Variants in ANKRD30B observed in about 807,000 individuals in gnomAD.
The protein encoded by ANKRD30B is ankyrin repeat domain 30B.
ANKRD30B carries 144 observed loss-of-function variants against 202.2 expected under a neutral mutation model. The observed-to-expected ratio is 0.71, with a 90% confidence interval of 0.62 to 0.82. ANKRD30B has a LOEUF of 0.82. Among genes scored for constraint, ANKRD30B ranks in the 40% least tolerant of loss-of-function variants. The pLI is 0.00. For missense variants in ANKRD30B, 1,487 were observed against 1,669.1 expected (o/e 0.89, Z 1.90); for synonymous variants, 508 against 561.3 (o/e 0.91, Z 1.34).
chr18:14,831,246 A>G (rs1970925098), intron 33 of ANKRD30B, 137 bp from the exon 34 acceptor site: 1 of 528,326 alleles, frequency 1.9e-6, no homozygotes, highest in South Asian at 2.3e-5. Flanking sequence ...AACATGATTT[A>G]ATATATTGAG....
the ANKRD30B span, among the ~76,000 whole-genome samples, chr18:14,904,566 A>G: frequency 6.6e-6 from 1 of 151,936 alleles, no homozygotes; most frequent in South Asian, 2.1e-4. Context: ...GCTGTCCTCT[A>G]CTTTGATTTC....
chr18:14,788,278 G>A (rs529347793), intron 15 of ANKRD30B, among the ~76,000 whole-genome samples: 5 of 152,150 alleles, frequency 3.3e-5, no homozygotes, highest in Admixed American at 6.6e-5. Context: ...AAATATGCAC[G>A]TGTGAATTTT....
At chr18:14,858,973 C>G (rs1972141135), downstream of ANKRD30B, among the ~76,000 whole-genome samples, 1 of 94,030 alleles carries the variant, frequency 1.1e-5, no homozygotes, top group Non-Finnish European at 2.2e-5. Flanking sequence ...AGGAACTCCT[C>G]ACCTCCCAGA....
chr18:14,896,426 C>T, the ANKRD30B span, among the ~76,000 whole-genome samples: 55 of 152,066 alleles, frequency 3.6e-4, no homozygotes, highest in African/African-American at 1.0e-3. Flanking sequence ...CCACCGCGCC[C>T]GGCCTATCTG....
chr18:14,860,727 C>T, the ANKRD30B span, among the ~76,000 whole-genome samples: 1 of 151,046 alleles, frequency 6.6e-6, no homozygotes, highest in Non-Finnish European at 1.5e-5. Context: ...TTTTTGGAGA[C>T]AGAGTCTCAC....
At chr18:14,883,588 C>A in the ANKRD30B span, 1 of 149,444 alleles carries the variant, frequency 6.7e-6, no homozygotes, top group African/African-American at 2.5e-5. Flanking sequence ...CCTTCAGCAT[C>A]TAGAACAAAA....
the ANKRD30B span, among the ~76,000 whole-genome samples, chr18:14,929,656 G>A: frequency 6.6e-6 from 1 of 152,082 alleles, no homozygotes. Flanking sequence ...TATTCGTTGA[G>A]GACTTGGAGT....
the ANKRD30B span, among the ~76,000 whole-genome samples, chr18:14,875,391 G>A: frequency 4.6e-5 from 7 of 152,224 alleles, 1 homozygote; most frequent in Admixed American, 1.3e-4. Flanking sequence ...GACCACACAG[G>A]ACAGAAGGGC....
chr18:14,761,646 T>A (rs1306578251), intron 6 of ANKRD30B, among the ~76,000 whole-genome samples: 1 of 152,222 alleles, frequency 6.6e-6, no homozygotes, highest in Non-Finnish European at 1.5e-5. Flanking sequence ...TGTCCTATAA[T>A]GTCATCTTAA....
At chr18:14,810,910 CGCA>C (rs1235874475) in intron 28 of ANKRD30B, among the ~76,000 whole-genome samples, 1 of 151,098 alleles carries the variant, frequency 6.6e-6, no homozygotes, top group African/African-American at 2.4e-5. Flanking sequence ...GGTCAGGAGT[CGCA>C]GACGAGCCTG....
the ANKRD30B span, among the ~76,000 whole-genome samples, chr18:14,875,500 A>G: frequency 1.3e-5 from 2 of 152,142 alleles, no homozygotes; most frequent in African/African-American, 4.8e-5. Flanking sequence ...TGTGGCTGGC[A>G]TAGTCAATAA....
the ANKRD30B span, among the ~76,000 whole-genome samples, chr18:14,867,124 G>A: frequency 7.6e-6 from 1 of 131,708 alleles, no homozygotes; most frequent in Admixed American, 7.6e-5. Flanking sequence ...GGGCTGTGCT[G>A]CTTGTGGTCC....
intron 4 of ANKRD30B, 93 bp from the exon 5 acceptor site, chr18:14,757,722 T>C: frequency 2.2e-6 from 3 of 1,342,326 alleles, no homozygotes; most frequent in East Asian, 2.4e-5. Context: ...AAGATACTTA[T>C]GTTTGTTAGT....
chr18:14,874,913 A>T, the ANKRD30B span, among the ~76,000 whole-genome samples: 2 of 152,294 alleles, frequency 1.3e-5, no homozygotes, highest in South Asian at 4.1e-4. Context: ...TGGTTCTCAA[A>T]GCCTAGGGGA....
chr18:14,783,987 G>A (rs1967917084), intron 12 of ANKRD30B, among the ~76,000 whole-genome samples: 1 of 152,046 alleles, frequency 6.6e-6, no homozygotes, highest in African/African-American at 2.4e-5. Flanking sequence ...TAAAGAACAT[G>A]ATGAATAGAA....
At chr18:14,868,171 C>A in the ANKRD30B span, among the ~76,000 whole-genome samples, 4 of 152,300 alleles carry the variant, frequency 2.6e-5, no homozygotes, top group Non-Finnish European at 5.9e-5. Context: ...CTAATGGTGG[C>A]AGCAGCAGCA....
At chr18:14,868,418 G>A in the ANKRD30B span, among the ~76,000 whole-genome samples, 1 of 146,394 alleles carries the variant, frequency 6.8e-6, no homozygotes, top group African/African-American at 2.5e-5. Flanking sequence ...AGGGGCTTAC[G>A]ATTTGTGTAT....
At chr18:14,921,381 G>A in the ANKRD30B span, among the ~76,000 whole-genome samples, 1 of 147,914 alleles carries the variant, frequency 6.8e-6, no homozygotes, top group Non-Finnish European at 1.5e-5. Context: ...GTGGTGGGTG[G>A]AGAGGGCAGG....
chr18:14,748,832 G>T (rs1166861545), intron 1 of ANKRD30B, among the ~76,000 whole-genome samples, 192 bp downstream of exon 1: 2 of 152,176 alleles, frequency 1.3e-5, no homozygotes, highest in African/African-American at 2.4e-5. Context: ...CTGGGATGGG[G>T]GCGCCCTGCA....
Sources: gnomAD v4.1 joint callset for allele counts (sites outside exome capture counted in the v4.1 genomes callset) on GRCh38, gnomAD v4.1.1 for gene constraint, MANE v1.5 for transcripts, NCBI Gene and HGNC (gene_info 2026-07-23, HGNC 2026-07-21) for gene names.